Variants in RGS6 observed in about 807,000 individuals in gnomAD.
RGS6 encodes the protein regulator of G-protein signaling 6.
RGS6 carries 30 observed loss-of-function variants against 78.5 expected under a neutral mutation model. The ratio of observed to expected loss-of-function variants is 0.38; its 90% confidence interval spans 0.29 to 0.52. The LOEUF is 0.52. RGS6 is among the 20% of genes least tolerant of loss of function. RGS6 has a pLI of 0.85. For missense variants in RGS6, 495 were observed against 609.7 expected (o/e 0.81, Z 1.98); for synonymous variants, 206 against 206.0 (o/e 1.00, Z 0.00).
At chr14:72,444,293 G>A (rs2095300958) in intron 3 of RGS6, among the ~76,000 whole-genome samples, 1 of 152,098 alleles carries the variant, frequency 6.6e-6, no homozygotes, top group Non-Finnish European at 1.5e-5. Flanking sequence ...TGGGTCTCCT[G>A]GCCCCTATTA....
intron 2 of RGS6, among the ~76,000 whole-genome samples, chr14:72,240,633 A>G (rs1049215238): frequency 6.6e-6 from 1 of 152,198 alleles, no homozygotes; most frequent in Non-Finnish European, 1.5e-5. Flanking sequence ...TGTATATTAA[A>G]ATTAGAGATA....
chr14:72,169,142 A>G (rs1222984175), intron 2 of RGS6, among the ~76,000 whole-genome samples: 1 of 152,110 alleles, frequency 6.6e-6, no homozygotes, highest in East Asian at 1.9e-4. Context: ...TCACTAAGCA[A>G]TTTTTCTACA....
chr14:72,412,844 G>A (rs1027953976), intron 3 of RGS6, among the ~76,000 whole-genome samples: 1 of 152,160 alleles, frequency 6.6e-6, no homozygotes, highest in Non-Finnish European at 1.5e-5. Flanking sequence ...TCATTCAGGA[G>A]CAGGTTGTTC....
intron 2 of RGS6, among the ~76,000 whole-genome samples, chr14:72,256,647 G>T (rs1270857071): frequency 1.3e-5 from 2 of 152,086 alleles, no homozygotes; most frequent in African/African-American, 4.8e-5. Flanking sequence ...TTTGGGAAAG[G>T]GCTATTATCA....
At chr14:71,898,907 A>G in the RGS6 span, among the ~76,000 whole-genome samples, 1 of 152,154 alleles carries the variant, frequency 6.6e-6, no homozygotes, top group African/African-American at 2.4e-5. Context: ...TCTTTATTGT[A>G]GGTACACTTT....
intron 10 of RGS6, among the ~76,000 whole-genome samples, chr14:72,475,199 G>GT (rs11300478): frequency 0.16 from 18,810 of 117,288 alleles, 1,010 homozygotes; most frequent in Middle Eastern, 0.19. Flanking sequence ...CTTTTTTATG[G>GT]TTTTTTTTTT....
chr14:72,288,616 T>C (rs975470588), intron 2 of RGS6, among the ~76,000 whole-genome samples: 4 of 152,156 alleles, frequency 2.6e-5, no homozygotes, highest in African/African-American at 9.7e-5. Flanking sequence ...TGTTGACCAG[T>C]AGGGGCAAGC....
chr14:71,879,073 A>G, the RGS6 span, among the ~76,000 whole-genome samples: 1 of 152,038 alleles, frequency 6.6e-6, no homozygotes, highest in Non-Finnish European at 1.5e-5. Context: ...GTTCTCAACC[A>G]TGCAATATGC....
chr14:72,053,015 T>C (rs2093382193), intron 2 of RGS6, among the ~76,000 whole-genome samples: 1 of 74,384 alleles, frequency 1.3e-5, no homozygotes, highest in Non-Finnish European at 2.8e-5. Context: ...CTTTCTTTCC[T>C]TCTTTCTTTC....
chr14:72,037,581 T>C (rs185525800), intron 2 of RGS6, among the ~76,000 whole-genome samples: 5 of 152,290 alleles, frequency 3.3e-5, no homozygotes, highest in Admixed American at 3.3e-4. Flanking sequence ...GAGATTTAGG[T>C]CAAGGTTCAT....
At chr14:72,532,996 A>T (rs533683193) in intron 15 of RGS6, among the ~76,000 whole-genome samples, 3 of 152,374 alleles carry the variant, frequency 2.0e-5, no homozygotes, top group African/African-American at 7.2e-5. Flanking sequence ...TAAACAACAG[A>T]TTTGCAGTGT....
At chr14:72,344,121 C>A (rs1046796287) in intron 2 of RGS6, among the ~76,000 whole-genome samples, 20 of 152,052 alleles carry the variant, frequency 1.3e-4, no homozygotes, top group Non-Finnish European at 2.1e-4. Context: ...GACATTTTCC[C>A]TAAAGTATCA....
At chr14:72,211,282 T>C (rs1485010478) in intron 2 of RGS6, among the ~76,000 whole-genome samples, 1 of 152,166 alleles carries the variant, frequency 6.6e-6, no homozygotes, top group African/African-American at 2.4e-5. Context: ...CAGTGTCAGG[T>C]GCAGCTAAAA....
At chr14:71,920,377 G>A in the RGS6 span, among the ~76,000 whole-genome samples, 1 of 152,208 alleles carries the variant, frequency 6.6e-6, no homozygotes, top group South Asian at 2.1e-4. Flanking sequence ...GAGTTGTGTT[G>A]TCCCCATTGT....
intron 3 of RGS6, among the ~76,000 whole-genome samples, chr14:72,382,412 C>T (rs1325766365): frequency 6.6e-6 from 1 of 152,064 alleles, no homozygotes; most frequent in East Asian, 1.9e-4. Context: ...TTTTAATTCA[C>T]TAAACTGGAA....
chr14:72,456,032 C>T (rs930720606), intron 4 of RGS6, among the ~76,000 whole-genome samples: 12 of 152,060 alleles, frequency 7.9e-5, no homozygotes, highest in African/African-American at 2.9e-4. Context: ...CCAGCCCTGG[C>T]GTGAGAAGCT....
chr14:72,545,997 T>G (rs2097394691), intron 17 of RGS6, among the ~76,000 whole-genome samples: 1 of 152,032 alleles, frequency 6.6e-6, no homozygotes. Flanking sequence ...CACTGTGGGG[T>G]CCCAGGGGCC....
At chr14:72,006,665 G>A (rs1036114936) in intron 2 of RGS6, among the ~76,000 whole-genome samples, 5 of 152,168 alleles carry the variant, frequency 3.3e-5, no homozygotes, top group Admixed American at 6.5e-5. Flanking sequence ...AGTCAAAACC[G>A]TCCGTCTAAA....
At chr14:72,444,441 G>C (rs1276431566) in intron 3 of RGS6, among the ~76,000 whole-genome samples, 1 of 152,182 alleles carries the variant, frequency 6.6e-6, no homozygotes, top group Non-Finnish European at 1.5e-5. Context: ...TGTCTCTCCT[G>C]CCCCATCTCC....
Sources: gnomAD v4.1 joint callset for allele counts (sites outside exome capture counted in the v4.1 genomes callset) on GRCh38, gnomAD v4.1.1 for gene constraint, MANE v1.5 for transcripts, NCBI Gene and HGNC (gene_info 2026-07-23, HGNC 2026-07-21) for gene names.